The following TTLL11 variants were observed in gnomAD, a reference collection of about 807,000 sequenced individuals.
The protein encoded by TTLL11 is tubulin tyrosine ligase like 11.
A neutral mutation model predicts 51.7 loss-of-function variants in TTLL11; 42 were observed. The observed-to-expected ratio is 0.81, with a 90% CI of 0.64 to 1.05. The LOEUF (loss-of-function observed/expected upper bound fraction) is 1.05. Ranked by LOEUF, TTLL11 falls within the 50% of genes least tolerant of loss-of-function variation. The probability of loss-of-function intolerance (pLI) is 0.00; values close to 1 mark genes in which losing one functional copy is unlikely to be tolerated. For missense variants in TTLL11, 799 were observed against 940.4 expected (o/e 0.85, Z 1.97); for synonymous variants, 381 against 383.5 (o/e 0.99, Z 0.08).
intron 3 of TTLL11, among the ~76,000 whole-genome samples, chr9:122,008,397 C>T (rs568005121): frequency 7.2e-5 from 11 of 152,204 alleles, no homozygotes; most frequent in African/African-American, 2.4e-4. Context: ...ACAAATAACC[C>T]TATTAAAGAA....
intron 6 of TTLL11, among the ~76,000 whole-genome samples, chr9:121,924,731 C>A (rs566091982): frequency 1.3e-5 from 2 of 149,636 alleles, no homozygotes; most frequent in Admixed American, 6.7e-5. Flanking sequence ...CAGGCAATTT[C>A]TTGCAGAAAT....
At chr9:121,971,312 T>G in intron 6 of TTLL11, among the ~76,000 whole-genome samples, 1 of 68,848 alleles carries the variant, frequency 1.5e-5, no homozygotes, top group Non-Finnish European at 3.1e-5. Flanking sequence ...GTCCAGGAGA[T>G]GAGGGGCGCC....
In TTLL11 at chr9:121,853,890, G is replaced by A. The variant is rs1837740588; in HGVS notation, c.1840+6447C>T. On this transcript the variant is annotated intron_variant, in intron 8 of 8. Coordinates refer to ENST00000321582, the MANE Select transcript of TTLL11 (RefSeq NM_001139442.2). The surrounding 1 kb of genome is among the most constrained non-coding windows in gnomAD (Gnocchi z 5.6). ...CCCAGCACCTGCAGAGCAGCTGGCA[G>A]GGGTAGGTGCCCCAGAAGCACTTCC... Among the ~76,000 whole-genome samples, 1 of 152,208 alleles carries A rather than the reference G, an allele frequency of 6.6e-6. No individual in the cohort carries two copies.
intron 3 of TTLL11, among the ~76,000 whole-genome samples, chr9:122,008,672 C>G (rs1843718287): frequency 6.6e-6 from 1 of 152,222 alleles, no homozygotes; most frequent in African/African-American, 2.4e-5. Context: ...AACTACCCAT[C>G]ATGATCCAGA....
intron 4 of TTLL11, among the ~76,000 whole-genome samples, chr9:121,978,148 G>A (rs1842756028): frequency 6.6e-6 from 1 of 152,132 alleles, no homozygotes; most frequent in African/African-American, 2.4e-5. Flanking sequence ...CTTAATGAGA[G>A]CCAGCTTTAT....
At chr9:121,919,659 G>A (rs530111822) in intron 6 of TTLL11, among the ~76,000 whole-genome samples, 3 of 152,158 alleles carry the variant, frequency 2.0e-5, no homozygotes, top group Non-Finnish European at 2.9e-5. Context: ...CTGCAAGTGG[G>A]GCCCAAGAGA....
chr9:121,944,885 A>G (rs911290560), intron 6 of TTLL11, among the ~76,000 whole-genome samples: 4 of 152,212 alleles, frequency 2.6e-5, no homozygotes, highest in African/African-American at 4.8e-5. Context: ...TTTGCAAAGA[A>G]CCCACACTGC....
intron 7 of TTLL11, among the ~76,000 whole-genome samples, chr9:121,861,788 C>T (rs545191486): frequency 1.3e-5 from 2 of 152,312 alleles, no homozygotes; most frequent in South Asian, 2.1e-4. Flanking sequence ...AAATGCTCAC[C>T]AGATGAGTCC....
chr9:121,840,973 C>T (rs1195752520), intron 8 of TTLL11, among the ~76,000 whole-genome samples: 1 of 152,224 alleles, frequency 6.6e-6, no homozygotes, highest in African/African-American at 2.4e-5. Flanking sequence ...CCTACAAATA[C>T]TTCTGATCCA....
Position 121,816,994 on chromosome 9 carries a change from T to C in TTLL11, c.*5593A>G, listed in dbSNP as rs1836431130. On this transcript the variant is annotated 3_prime_UTR_variant, in exon 9 of 9. Coordinates refer to ENST00000321582, the MANE Select transcript of TTLL11 (RefSeq NM_001139442.2). ...TCAGGTTAATACACACGGTGGTGAA[T>C]GATCCCTCCGTGCGAGGAGGACAGC... 6.6e-6 allele frequency: 1 copy of C among 152,186 alleles called. No individual in the cohort carries two copies. The highest frequency in any genetic ancestry group is 2.1e-4 in the South Asian group (1 of 4,824). The allele number at this position is 152,186 out of a possible 1,614,324, so 9.4% of individuals were successfully genotyped here. A position where few individuals can be genotyped will look rare whatever the true frequency, so the allele number is the denominator to read the frequency against.
chr9:121,857,260 C>T (rs1215167156), intron 8 of TTLL11, among the ~76,000 whole-genome samples: 4 of 152,232 alleles, frequency 2.6e-5, no homozygotes, highest in Non-Finnish European at 4.4e-5. Context: ...TTTATCCTCC[C>T]GCTGCTGCCG....
At chr9:122,002,601 G>A (rs1207645922) in intron 3 of TTLL11, among the ~76,000 whole-genome samples, 1 of 152,114 alleles carries the variant, frequency 6.6e-6, no homozygotes, top group African/African-American at 2.4e-5. Flanking sequence ...CAGAGGCAAT[G>A]TTTTCCCATC....
At chr9:122,010,758 T>C (rs1248196669) in intron 3 of TTLL11, among the ~76,000 whole-genome samples, 1 of 152,210 alleles carries the variant, frequency 6.6e-6, no homozygotes, top group African/African-American at 2.4e-5. Flanking sequence ...ATTTCCAAGG[T>C]AATTCTCTCT....
At chr9:121,848,836 G>A (rs1311821916) in intron 8 of TTLL11, among the ~76,000 whole-genome samples, 1 of 152,116 alleles carries the variant, frequency 6.6e-6, no homozygotes, top group African/African-American at 2.4e-5. Flanking sequence ...CTTGATCTAT[G>A]GATTCAACAC....
At chr9:121,912,916 A>G (rs1840192577) in intron 6 of TTLL11, among the ~76,000 whole-genome samples, 1 of 152,080 alleles carries the variant, frequency 6.6e-6, no homozygotes, top group Admixed American at 6.5e-5. Flanking sequence ...GAGTCAAGAA[A>G]AAAAAAAAGC....
intron 8 of TTLL11, among the ~76,000 whole-genome samples, chr9:121,851,198 A>G (rs1448227963): frequency 6.6e-6 from 1 of 152,184 alleles, no homozygotes; most frequent in Non-Finnish European, 1.5e-5. Flanking sequence ...GAACAGGGGG[A>G]GCACAGGGAA....
At chr9:121,878,739 C>A (rs1838663134) in intron 6 of TTLL11, among the ~76,000 whole-genome samples, 1 of 152,230 alleles carries the variant, frequency 6.6e-6, no homozygotes, top group African/African-American at 2.4e-5. Context: ...CAATAAGCTT[C>A]TTTTCCAACA....
rs537157768 is a variant in TTLL11 at position 121,851,770 on chromosome 9, A to G, written c.1840+8567T>C. Among the ~76,000 whole-genome samples, 140 of 152,328 alleles carry G rather than the reference A, an allele frequency of 9.2e-4. 1 individual carries two copies. The highest frequency in any genetic ancestry group is 1.5e-5 in the Non-Finnish European group (1 of 68,034). ...ACTGAGTGCTGTGTTTTGCAACAAT[A>G]AAGTGTGTGCAAACAATTTACTGCC... On this transcript the variant is annotated intron_variant, in intron 8 of 8. Coordinates refer to ENST00000321582, the MANE Select transcript of TTLL11 (RefSeq NM_001139442.2).
At chr9:121,846,396 G>GTA (rs1837516658) in intron 8 of TTLL11, among the ~76,000 whole-genome samples, 1 of 152,084 alleles carries the variant, frequency 6.6e-6, no homozygotes, top group Admixed American at 6.5e-5. Context: ...ATTGGTAAGG[G>GTA]TATAGTTGAA....
Sources: gnomAD v4.1 joint callset for allele counts (sites outside exome capture counted in the v4.1 genomes callset) on GRCh38, gnomAD v4.1.1 for gene constraint, Gnocchi (gnomAD v3.1) non-coding constraint, MANE v1.5 for transcripts, NCBI Gene and HGNC (gene_info 2026-07-23, HGNC 2026-07-21) for gene names.